GULP1: variants seen among roughly 807,000 people sequenced by gnomAD.
GULP1 encodes the protein PTB domain-containing engulfment adapter protein 1.
GULP1 carries 19 observed loss-of-function variants against 40.9 expected under a neutral mutation model. The ratio of observed to expected loss-of-function variants is 0.46; its 90% CI spans 0.32 to 0.68. The LOEUF is 0.68. Among genes scored for constraint, GULP1 ranks in the 30% least tolerant of loss-of-function variants. The probability of loss-of-function intolerance (pLI) is 0.03; values close to 1 mark genes in which losing one functional copy is unlikely to be tolerated. For missense variants in GULP1, 312 were observed against 362.2 expected (o/e 0.86, Z 1.12); for synonymous variants, 119 against 117.6 (o/e 1.01, Z -0.08).
intron 2 of GULP1, among the ~76,000 whole-genome samples, chr2:188,443,163 A>G (rs1170071059): frequency 1.4e-5 from 2 of 142,880 alleles, no homozygotes; most frequent in Admixed American, 1.4e-4. Flanking sequence ...CCAGAGAGAT[A>G]TGGTACACTT....
chr2:188,443,330 T>C (rs1461836274), intron 2 of GULP1, among the ~76,000 whole-genome samples: 2 of 152,116 alleles, frequency 1.3e-5, no homozygotes, highest in Non-Finnish European at 1.5e-5. Context: ...GCTGGCACGA[T>C]TTACATGTTT....
chr2:188,533,943 C>T (rs1418652260), intron 6 of GULP1, among the ~76,000 whole-genome samples: 1 of 152,136 alleles, frequency 6.6e-6, no homozygotes, highest in Non-Finnish European at 1.5e-5. Flanking sequence ...CAATCACCAC[C>T]ATGCAGAATA....
chr2:188,449,933 C>T (rs1226767188), intron 2 of GULP1, among the ~76,000 whole-genome samples: 2 of 152,080 alleles, frequency 1.3e-5, no homozygotes, highest in Admixed American at 1.3e-4. Flanking sequence ...CTGTTCTTGG[C>T]TCTGATTTTC....
At chr2:188,472,062 T>G (rs2060633767) in intron 2 of GULP1, among the ~76,000 whole-genome samples, 1 of 152,244 alleles carries the variant, frequency 6.6e-6, no homozygotes, top group Admixed American at 6.5e-5. Flanking sequence ...AAAAGATTTT[T>G]TTCCTTTAGC....
At chr2:188,519,769 C>T (rs898523678) in intron 4 of GULP1, among the ~76,000 whole-genome samples, 1 of 152,096 alleles carries the variant, frequency 6.6e-6, no homozygotes, top group East Asian at 1.9e-4. Context: ...ATCAGACTTG[C>T]AGGCAATAGT....
At chr2:188,409,985 A>G (rs2053652248) in intron 2 of GULP1, among the ~76,000 whole-genome samples, 1 of 152,202 alleles carries the variant, frequency 6.6e-6, no homozygotes, top group South Asian at 2.1e-4. Context: ...GTTCTGGCAT[A>G]AAAGAACAGA....
chr2:188,318,358 CTGT>C (rs753464189), intron 1 of GULP1, among the ~76,000 whole-genome samples: 2 of 152,112 alleles, frequency 1.3e-5, no homozygotes, highest in Non-Finnish European at 2.9e-5. Flanking sequence ...CCCAAATGTG[CTGT>C]TGTTATCAGT....
intron 2 of GULP1, among the ~76,000 whole-genome samples, chr2:188,427,468 C>T (rs1027463374): frequency 5.3e-5 from 8 of 152,218 alleles, no homozygotes; most frequent in African/African-American, 1.7e-4. Context: ...AGAACTCAAT[C>T]GTTTCATGGG....
chr2:188,480,737 C>T (rs2061384022), intron 3 of GULP1, among the ~76,000 whole-genome samples: 1 of 151,274 alleles, frequency 6.6e-6, no homozygotes, highest in African/African-American at 2.4e-5. Flanking sequence ...TTTATTACAT[C>T]AAATATAAAT....
intron 2 of GULP1, among the ~76,000 whole-genome samples, chr2:188,456,400 C>T (rs889682619): frequency 1.3e-5 from 2 of 152,146 alleles, no homozygotes; most frequent in Non-Finnish European, 1.5e-5. Flanking sequence ...CCTTCCATCC[C>T]AGCCGCTCCG....
chr2:188,512,044 G>T (rs890784863), intron 4 of GULP1, among the ~76,000 whole-genome samples: 1 of 151,966 alleles, frequency 6.6e-6, no homozygotes. Context: ...GGCTTTTTCT[G>T]TATTGCTTGG....
At chr2:188,544,046 C>A (rs1691248936) in intron 7 of GULP1, among the ~76,000 whole-genome samples, 1 of 152,002 alleles carries the variant, frequency 6.6e-6, no homozygotes, top group Non-Finnish European at 1.5e-5. Context: ...TTTAACCCTG[C>A]CAAATTAGAA....
chr2:188,507,482 C>T (rs2064045324), intron 4 of GULP1, among the ~76,000 whole-genome samples: 1 of 149,720 alleles, frequency 6.7e-6, no homozygotes, highest in South Asian at 2.1e-4. Flanking sequence ...ACTAGGTTAG[C>T]CCTGAAATGA....
chr2:188,569,331 A>G lies in GULP1; in HGVS notation c.492A>G (p.Lys164=). The G allele has an allele frequency of 6.4e-7, 1 of 1,572,438 alleles. No homozygotes were observed. The highest frequency in any genetic ancestry group is 8.8e-7 in the Non-Finnish European group (1 of 1,142,246). The change falls in exon 8 of 12, where the codon AAA becomes AAG. Residue 164 remains lysine (K), a synonymous_variant. Transcript: ENST00000409830. ...GAGGAAAAGATGTTGAAACAAGAAA[A>G]CAGATCGCAGGGTTACAAAAAAGAG... ...ESGGKDVETR[K]QIAGLQKRIQ... is the part of the protein sequence containing the mutation.
At chr2:188,452,116 G>T (rs577934946) in intron 2 of GULP1, among the ~76,000 whole-genome samples, 2 of 152,264 alleles carry the variant, frequency 1.3e-5, no homozygotes, top group African/African-American at 4.8e-5. Flanking sequence ...ATTGAAAAAG[G>T]CAGGAACCAA....
intron 1 of GULP1, among the ~76,000 whole-genome samples, chr2:188,304,693 T>G (rs189880140): frequency 6.6e-6 from 1 of 152,328 alleles, no homozygotes; most frequent in East Asian, 1.9e-4. Context: ...TTTTTGTCCC[T>G]CTGATGGCAC....
chr2:188,552,602 G>A (rs1020643421), intron 7 of GULP1, among the ~76,000 whole-genome samples: 8 of 151,488 alleles, frequency 5.3e-5, no homozygotes, highest in African/African-American at 1.7e-4. Context: ...CTCCAGCTTG[G>A]CTCTTTTTGC....
intron 6 of GULP1, among the ~76,000 whole-genome samples, chr2:188,537,806 A>T (rs776720146): frequency 6.6e-6 from 1 of 152,066 alleles, no homozygotes; most frequent in Non-Finnish European, 1.5e-5. Context: ...CTGTGAATCC[A>T]TCTGCTCTGG....
intron 2 of GULP1, among the ~76,000 whole-genome samples, chr2:188,408,792 TAAG>T (rs1185361426): frequency 3.9e-5 from 6 of 152,200 alleles, no homozygotes; most frequent in Admixed American, 2.6e-4. Context: ...ATAACAAATT[TAAG>T]AAGAATGAAG....
Sources: gnomAD v4.1 joint callset for allele counts (sites outside exome capture counted in the v4.1 genomes callset) on GRCh38, gnomAD v4.1.1 for gene constraint, MANE v1.5 for transcripts, NCBI Gene and HGNC (gene_info 2026-07-23, HGNC 2026-07-21) for gene names.